Variants in RASAL2 observed in about 807,000 individuals in gnomAD.
RASAL2 encodes RAS protein activator like 2.
Under a neutral mutation model 128.9 loss-of-function variants are expected in RASAL2, and 58 were observed. The observed-to-expected ratio is 0.45, with a 90% CI of 0.36 to 0.56. The LOEUF (loss-of-function observed/expected upper bound fraction) is 0.56, where lower values mean the gene tolerates loss of function less well. Ranked by LOEUF, RASAL2 falls within the 20% of genes least tolerant of loss-of-function variation. The probability of loss-of-function intolerance (pLI) is 0.00; values close to 1 mark genes in which losing one functional copy is unlikely to be tolerated. For missense variants in RASAL2, 1,360 were observed against 1,601.6 expected (o/e 0.85, Z 2.57); for synonymous variants, 561 against 580.8 (o/e 0.97, Z 0.49).
intron 5 of RASAL2, among the ~76,000 whole-genome samples, chr1:178,431,062 C>G (rs1675860834): frequency 6.6e-6 from 1 of 151,860 alleles, no homozygotes; most frequent in South Asian, 2.1e-4. Flanking sequence ...TTCATCTCTC[C>G]TCCTCTGCCA....
chr1:178,433,160 C>A (rs1319385217), intron 5 of RASAL2, among the ~76,000 whole-genome samples: 1 of 152,122 alleles, frequency 6.6e-6, no homozygotes, highest in Non-Finnish European at 1.5e-5. Flanking sequence ...TGTCTGAACA[C>A]CACAGCCTTG....
chr1:178,388,391 A>T (rs1435616350), intron 3 of RASAL2, among the ~76,000 whole-genome samples: 1 of 152,206 alleles, frequency 6.6e-6, no homozygotes, highest in Non-Finnish European at 1.5e-5. Flanking sequence ...AGCGATGTGC[A>T]TTAGAAGTCA....
At chr1:178,307,975 A>G (rs1326702162) in intron 3 of RASAL2, among the ~76,000 whole-genome samples, 2 of 152,206 alleles carry the variant, frequency 1.3e-5, no homozygotes, top group Non-Finnish European at 2.9e-5. Context: ...CAGAAAGTTC[A>G]GATTGAACTG....
intron 1 of RASAL2, among the ~76,000 whole-genome samples, chr1:178,145,516 T>C (rs963823180): frequency 1.5e-5 from 2 of 131,802 alleles, no homozygotes; most frequent in African/African-American, 5.8e-5. Context: ...TCCGTTGCTC[T>C]GAGCAGGATT....
chr1:178,362,534 T>C (rs1220201062), intron 3 of RASAL2, among the ~76,000 whole-genome samples: 2 of 149,924 alleles, frequency 1.3e-5, no homozygotes, highest in Admixed American at 6.7e-5. Context: ...CCTTGGAAAT[T>C]TCCAGTATAA....
intron 1 of RASAL2, among the ~76,000 whole-genome samples, chr1:178,273,054 G>A (rs1362588852): frequency 6.6e-5 from 10 of 152,118 alleles, no homozygotes; most frequent in Admixed American, 5.9e-4. Flanking sequence ...AAAAACATAA[G>A]TGCCACACAA....
chr1:178,209,094 A>AT (rs1292469019), intron 1 of RASAL2, among the ~76,000 whole-genome samples: 5 of 150,542 alleles, frequency 3.3e-5, no homozygotes, highest in Non-Finnish European at 5.9e-5. Context: ...TCATATTCTC[A>AT]TTTTTTCAAG....
intron 1 of RASAL2, among the ~76,000 whole-genome samples, chr1:178,126,746 G>A (rs1208121575): frequency 6.6e-6 from 1 of 152,152 alleles, no homozygotes; most frequent in Non-Finnish European, 1.5e-5. Flanking sequence ...GATGGGGAGT[G>A]GAAAGATAAG....
At chr1:178,370,666 C>T (rs1441550910) in intron 3 of RASAL2, among the ~76,000 whole-genome samples, 1 of 152,102 alleles carries the variant, frequency 6.6e-6, no homozygotes, top group African/African-American at 2.4e-5. Context: ...CAGTGTTGAA[C>T]CTGTTAAAAC....
At chr1:178,444,174 A>G (rs1676845549) in intron 8 of RASAL2, among the ~76,000 whole-genome samples, 1 of 152,150 alleles carries the variant, frequency 6.6e-6, no homozygotes, top group Non-Finnish European at 1.5e-5. Flanking sequence ...TCTACTTTTC[A>G]GTTGCTCAAG....
intron 5 of RASAL2, among the ~76,000 whole-genome samples, chr1:178,430,454 T>G (rs1461272384): frequency 6.6e-6 from 1 of 152,146 alleles, no homozygotes; most frequent in African/African-American, 2.4e-5. Context: ...ATCTTTGTAT[T>G]CTTCCAGTGA....
intron 5 of RASAL2, among the ~76,000 whole-genome samples, chr1:178,438,102 T>TGTGTG (rs1676370641): frequency 1.4e-5 from 2 of 142,056 alleles, no homozygotes; most frequent in Non-Finnish European, 3.1e-5. Flanking sequence ...AAATGGTGGC[T>TGTGTG]TGTGTGTGTG....
intron 1 of RASAL2, among the ~76,000 whole-genome samples, chr1:178,236,482 G>C (rs1222250493): frequency 1.3e-5 from 2 of 152,084 alleles, no homozygotes; most frequent in African/African-American, 4.8e-5. Flanking sequence ...TCAACCAAGT[G>C]TTATTTTTTA....
At position 178,300,095 on chromosome 1, in the gene RASAL2, C is replaced by G; in HGVS notation, c.434C>G (p.Pro145Arg). The change falls in exon 3 of 18, where the codon CCA becomes CGA. Residue 145 changes from proline (P) to arginine (R), a missense_variant. By Grantham distance (103) the Pro-to-Arg change is moderately radical. Transcript: ENST00000367649. ...TCCGAGGGTCAGTTTCCCGAGTACC[C>G]ACCAGAGGGCGCCACTAAACTGGGT... ...VPSEGQFPEY[P>R]PEGATKLEVP... The G allele has an allele frequency of 6.2e-7, 1 of 1,613,172 alleles. No individual in the cohort carries two copies. The highest frequency in any genetic ancestry group is 2.2e-5 in the East Asian group (1 of 44,856).
chr1:178,233,782 AGGGATATTTCATCC>A (rs1664110720), intron 1 of RASAL2, among the ~76,000 whole-genome samples: 2 of 152,182 alleles, frequency 1.3e-5, no homozygotes, highest in Non-Finnish European at 2.9e-5. Flanking sequence ...TCTGAGCAGC[AGGGATATTTCATCC>A]GTGGCATTTT....
chr1:178,301,814 A>G (rs1044565280), intron 3 of RASAL2, among the ~76,000 whole-genome samples: 4 of 152,202 alleles, frequency 2.6e-5, no homozygotes, highest in Admixed American at 6.5e-5. Flanking sequence ...TTGAGGAAGT[A>G]CAACTATAGT....
At chr1:178,407,377 A>G (rs1350797815) in intron 4 of RASAL2, among the ~76,000 whole-genome samples, 1 of 152,232 alleles carries the variant, frequency 6.6e-6, no homozygotes, top group Admixed American at 6.5e-5. Context: ...GTGAATATCT[A>G]CAAGTTCCTA....
intron 1 of RASAL2, among the ~76,000 whole-genome samples, chr1:178,113,729 A>G (rs1425048418): frequency 1.3e-5 from 2 of 152,124 alleles, no homozygotes; most frequent in Non-Finnish European, 2.9e-5. Flanking sequence ...AAAAGCCTGC[A>G]AGATTTTGAT....
intron 3 of RASAL2, among the ~76,000 whole-genome samples, chr1:178,388,101 A>C (rs565060814): frequency 6.6e-5 from 10 of 152,318 alleles, no homozygotes; most frequent in African/African-American, 1.7e-4. Context: ...ACTATATTGT[A>C]ATATTAAATC....
Sources: allele counts gnomAD v4.1 joint callset (sites outside exome capture counted in the v4.1 genomes callset), GRCh38; gene constraint gnomAD v4.1.1; transcripts MANE v1.5; gene names NCBI Gene and HGNC (gene_info 2026-07-23, HGNC 2026-07-21).